Variants in ZNF343 observed in about 807,000 individuals in gnomAD.
ZNF343 encodes zinc finger protein 343.
In ZNF343, 11 loss-of-function variants were observed where a neutral mutation model predicts 13.8. The observed-to-expected ratio is 0.80, with a 90% CI of 0.50 to 1.32. ZNF343 has a LOEUF of 1.32. ZNF343 is among the 40% of genes most tolerant of loss of function. The pLI is 0.00. For missense variants in ZNF343, 658 were observed against 714.2 expected (o/e 0.92, Z 0.90); for synonymous variants, 248 against 260.0 (o/e 0.95, Z 0.44).
rs1432354252 is a variant in ZNF343, at chr20:2,518,319, A to G, written c.-347+6136T>C. ...GGCGTGAGCCACCGCGCCCAGCCTC[A>G]AAGATTTATTTCTATTTGGGAGAAT... On this transcript the variant is annotated intron_variant, in intron 1 of 6. Coordinates refer to the ZNF343 transcript ENST00000358413. The surrounding 1 kb of genome is among the most constrained non-coding windows in gnomAD (Gnocchi z 4.6). Among the ~76,000 whole-genome samples, 3 of 152,180 alleles carry G rather than the reference A, an allele frequency of 2.0e-5. No individual in the cohort carries two copies. The highest frequency in any genetic ancestry group is 4.8e-5 in the African/African-American group (2 of 41,432).
intron 1 of ZNF343, among the ~76,000 whole-genome samples, chr20:2,504,268 T>C (rs931516535): frequency 6.6e-6 from 1 of 152,160 alleles, no homozygotes; most frequent in Non-Finnish European, 1.5e-5. Context: ...CAGGAAGAAG[T>C]TGAATCTCTG....
intron 1 of ZNF343, among the ~76,000 whole-genome samples, chr20:2,516,849 G>T (rs374108400): frequency 2.0e-5 from 3 of 152,250 alleles, no homozygotes; most frequent in African/African-American, 7.2e-5. Flanking sequence ...AGGCCAGAAA[G>T]TGTTAGGGTA....
intron 1 of ZNF343, among the ~76,000 whole-genome samples, chr20:2,501,129 T>C (rs1007738909): frequency 1.1e-4 from 16 of 152,038 alleles, no homozygotes; most frequent in African/African-American, 2.9e-4. Context: ...GCTTTTCCAA[T>C]GGTCTTAGCA....
chr20:2,498,724 T>A (rs1384860757), intron 2 of ZNF343, among the ~76,000 whole-genome samples: 1 of 152,234 alleles, frequency 6.6e-6, no homozygotes, highest in Non-Finnish European at 1.5e-5. Context: ...ACCACATTTC[T>A]TCCTCACAAC....
chr20:2,492,573 A>T, intron 5 of ZNF343, 126 bp downstream of exon 5: 1 of 1,109,316 alleles, frequency 9.0e-7, no homozygotes, highest in Non-Finnish European at 1.3e-6. Flanking sequence ...AGCCCCATGG[A>T]GGCAGGGATT....
At chr20:2,512,291 G>A (rs552824678), upstream of ZNF343, among the ~76,000 whole-genome samples, 14 of 152,274 alleles carry the variant, frequency 9.2e-5, no homozygotes, top group African/African-American at 3.4e-4. Context: ...AAATTCCAAT[G>A]GCCTTTTTGC....
In ZNF343 at chr20:2,482,739, TACAA is replaced by T. The variant is rs1411442173; in HGVS notation, c.*418_*421del. Reference sequence around the variant, plus strand: ...TCACAAAAGCTTTGCCCATACATCCTACAAACAAAGACCTCCTTCCTGAGGGCCA... The same window carrying T: ...TCACAAAAGCTTTGCCCATACATCCTACAAAGACCTCCTTCCTGAGGGCCA... On this transcript the variant is annotated 3_prime_UTR_variant, in exon 6 of 6. Coordinates refer to ENST00000278772, the MANE Select transcript of ZNF343 (RefSeq NM_024325.6). 1.1e-5 allele frequency: 2 copies of T among 183,750 alleles called. No homozygotes were observed. The highest frequency in any genetic ancestry group is 2.4e-5 in the African/African-American group (1 of 42,360). The allele number at this position is 183,750 out of a possible 1,614,324, so 11.4% of individuals were successfully genotyped here. A position where few individuals can be genotyped will look rare whatever the true frequency, so the allele number is the denominator to read the frequency against.
At chr20:2,510,993 C>G (rs2085736286), upstream of ZNF343, among the ~76,000 whole-genome samples, 1 of 152,162 alleles carries the variant, frequency 6.6e-6, no homozygotes, top group African/African-American at 2.4e-5. Context: ...TGGTAAGTTG[C>G]AGCTCCTTGA....
rs895634054 is a variant in ZNF343 at position 2,518,872 on chromosome 20, A to C, written c.-347+5583T>G. On this transcript the variant is annotated intron_variant, in intron 1 of 6. Transcript: ENST00000358413. This position sits in a 1 kb window ranked among gnomAD's most constrained non-coding sequence, Gnocchi z 4.6. ...GGACCTGGTGGAAGGCGATTGGCTC[A>C]TGGGGGTGGTTTCATCCATGCTGTC... 2.0e-5 allele frequency among the ~76,000 whole-genome samples: 3 copies of C among 152,188 alleles called. No homozygotes were observed. Among genetic ancestry groups the C allele is most frequent in the African/African-American group, 7.2e-5 (3 of 41,436 alleles).
Position 2,484,164 on chromosome 20 carries a change from T to C in ZNF343, c.797A>G (p.Lys266Arg). The change falls in exon 6 of 6, where the codon AAG (lysine) becomes AGG (arginine). Residue 266 changes from lysine (K) to arginine (R), a missense_variant. By Grantham distance (26) the Lys-to-Arg change is conservative. Coordinates refer to ENST00000278772, the MANE Select transcript of ZNF343 (RefSeq NM_024325.6). ...ACAATCACTGCAAATGTAGGGCTTCTTCCCTAAGAGGGTCCTCGGGTTTGT... is the reference window on the plus strand; with the variant it reads ...ACAATCACTGCAAATGTAGGGCTTCCTCCCTAAGAGGGTCCTCGGGTTTGT... The part of the protein sequence containing the change: ...FITNPRTLLG[K>R]KPYICSDCGR... 6.2e-7 allele frequency: 1 copy of C among 1,614,256 alleles called. No individual in the cohort carries two copies. Among genetic ancestry groups the C allele is most frequent in the Non-Finnish European group, 8.5e-7 (1 of 1,180,044 alleles).
At chr20:2,501,690 CCAGT>C (rs2085570271) in intron 1 of ZNF343, among the ~76,000 whole-genome samples, 2 of 152,198 alleles carry the variant, frequency 1.3e-5, no homozygotes, top group African/African-American at 2.4e-5. Flanking sequence ...CTGCTGATAC[CCAGT>C]CAAACAGGGT....
intron 2 of ZNF343, among the ~76,000 whole-genome samples, chr20:2,500,379 C>G (rs909416903): frequency 7.2e-5 from 11 of 152,188 alleles, no homozygotes; most frequent in Non-Finnish European, 1.6e-4. Flanking sequence ...TTTTTTATTT[C>G]ACAGTAGCTG....
intron 1 of ZNF343, among the ~76,000 whole-genome samples, chr20:2,515,100 C>T (rs79686262): frequency 1.4e-3 from 205 of 151,146 alleles, no homozygotes; most frequent in African/African-American, 4.5e-3. Flanking sequence ...GAAGCCAAAT[C>T]AGAAAAAGAA....
rs1039377366 is a variant in ZNF343 at position 2,518,185 on chromosome 20, T to C, written c.-347+6270A>G. Among the ~76,000 whole-genome samples the C allele has an allele frequency of 6.6e-6, 1 of 152,070 alleles. No individual in the cohort carries two copies. Among genetic ancestry groups the C allele is most frequent in the African/African-American group, 2.4e-5 (1 of 41,406 alleles). On this transcript the variant is annotated intron_variant, in intron 1 of 6. Transcript: ENST00000358413. This position sits in a 1 kb window ranked among gnomAD's most constrained non-coding sequence, Gnocchi z 4.6. ...CGTGCCACCACGTCTGGCTACCTTT[T>C]TGTATTTTTTTAGTAGAGACGTAGT...
chr20:2,488,798 A>T (rs918993761), intron 5 of ZNF343, among the ~76,000 whole-genome samples: 2 of 152,176 alleles, frequency 1.3e-5, no homozygotes, highest in African/African-American at 4.8e-5. Flanking sequence ...TAATCCCAGC[A>T]CTTTGGGACG....
At chr20:2,504,613 G>C (rs2085624426) in intron 1 of ZNF343, among the ~76,000 whole-genome samples, 1 of 152,108 alleles carries the variant, frequency 6.6e-6, no homozygotes, top group African/African-American at 2.4e-5. Context: ...ATGATCAAGT[G>C]GTCTTCATCC....
chr20:2,486,327 G>T (rs1444453421), intron 5 of ZNF343, among the ~76,000 whole-genome samples: 3 of 152,144 alleles, frequency 2.0e-5, no homozygotes, highest in Non-Finnish European at 4.4e-5. Context: ...TTTCACTAAA[G>T]ATAATTTAGA....
chr20:2,522,617 A>G (rs777710669), intron 1 of ZNF343, among the ~76,000 whole-genome samples: 1 of 152,208 alleles, frequency 6.6e-6, no homozygotes, highest in African/African-American at 2.4e-5. Context: ...AATTACATTT[A>G]TATTTACTCC....
Position 2,518,676 on chromosome 20 carries a change from G to GCTTCACAT in ZNF343, c.-347+5771_-347+5778dup, listed in dbSNP as rs912748854. Among the ~76,000 whole-genome samples the GCTTCACAT allele has an allele frequency of 5.3e-5, 8 of 152,058 alleles. No individual in the cohort carries two copies. The highest frequency in any genetic ancestry group is 1.9e-4 in the African/African-American group (8 of 41,370). ...CCGTGTCCACTTCCCTACACCACTT[G>GCTTCACAT]CTTCACATCCACTCAATACCTATGC... On this transcript the variant is annotated intron_variant, in intron 1 of 6. Coordinates refer to the ZNF343 transcript ENST00000358413. This position sits in a 1 kb window ranked among gnomAD's most constrained non-coding sequence, Gnocchi z 4.6.
Sources: gnomAD v4.1 joint callset for allele counts (sites outside exome capture counted in the v4.1 genomes callset) on GRCh38, gnomAD v4.1.1 for gene constraint, Gnocchi (gnomAD v3.1) non-coding constraint, MANE v1.5 for transcripts, NCBI Gene and HGNC (gene_info 2026-07-23, HGNC 2026-07-21) for gene names.